The following ITPR2 variants were observed in gnomAD, a reference collection of about 807,000 sequenced individuals.
ITPR2 encodes the protein inositol 1,4,5-trisphosphate receptor type 2.
Under a neutral mutation model 317.1 loss-of-function variants are expected in ITPR2, and 207 were observed. That is an observed-to-expected ratio of 0.65 (90% CI 0.58 to 0.73). The LOEUF is 0.73. Among genes scored for constraint, ITPR2 ranks in the 30% least tolerant of loss-of-function variants. ITPR2 has a pLI of 0.00. For synonymous variants in ITPR2, 1,156 were observed against 1,149.1 expected, an observed-to-expected ratio of 1.01 and a Z score of -0.12; for missense variants, 2,613 against 3,284.0, an observed-to-expected ratio of 0.80 and a Z score of 4.99.
chr12:26,684,333 C>T (rs745495362), intron 11 of ITPR2, among the ~76,000 whole-genome samples: 1 of 152,164 alleles, frequency 6.6e-6, no homozygotes. Flanking sequence ...GCCTGCACCC[C>T]ACCTGTAAGA....
rs556711973 is a variant in ITPR2 at position 26,346,392 on chromosome 12, G to A, written c.7858-6064C>T. On this transcript the variant is annotated intron_variant, in intron 55 of 56. Coordinates refer to ENST00000381340, the MANE Select transcript of ITPR2 (RefSeq NM_002223.4). Reference sequence around the variant, plus strand: ...AATCCCAGCACTTTGGGAGGCCGAGGTGGGCAGATCACCTGAGGTCAGGAG... The same window carrying A: ...AATCCCAGCACTTTGGGAGGCCGAGATGGGCAGATCACCTGAGGTCAGGAG... Among the ~76,000 whole-genome samples, 15 of 152,322 alleles carry A rather than the reference G, an allele frequency of 9.8e-5. No individual in the cohort carries two copies. The East Asian group carries it at 2.3e-3, about 23-fold the overall frequency.
intron 48 of ITPR2, among the ~76,000 whole-genome samples, chr12:26,428,880 G>A (rs1284364104): frequency 1.3e-5 from 2 of 152,172 alleles, no homozygotes; most frequent in Non-Finnish European, 2.9e-5. Context: ...TAAATTAAGA[G>A]GCAACATTCT....
At chr12:26,640,384 A>G (rs1946958332) in intron 21 of ITPR2, among the ~76,000 whole-genome samples, 1 of 152,208 alleles carries the variant, frequency 6.6e-6, no homozygotes, top group Non-Finnish European at 1.5e-5. Context: ...TTAATTAAAA[A>G]AAAACATATA....
chr12:26,569,745 A>G (rs1376793939), intron 34 of ITPR2, among the ~76,000 whole-genome samples: 1 of 152,150 alleles, frequency 6.6e-6, no homozygotes, highest in Non-Finnish European at 1.5e-5. Flanking sequence ...CCTCACTCAT[A>G]AAAAAGAGAA....
intron 24 of ITPR2, chr12:26,623,549 T>C (rs1362208808): frequency 6.6e-6 from 1 of 152,198 alleles, no homozygotes; most frequent in Admixed American, 6.5e-5. Context: ...CATGTATATA[T>C]AGGAAAAAAC....
At chr12:26,544,530 T>C (rs533658705) in intron 37 of ITPR2, among the ~76,000 whole-genome samples, 10 of 151,564 alleles carry the variant, frequency 6.6e-5, no homozygotes, top group Admixed American at 4.6e-4. Flanking sequence ...TTATGCTTCA[T>C]TGCCCTATTT....
At chr12:26,537,423 C>T (rs1228207085) in intron 37 of ITPR2, among the ~76,000 whole-genome samples, 3 of 152,116 alleles carry the variant, frequency 2.0e-5, no homozygotes, top group Non-Finnish European at 4.4e-5. Context: ...CAAAGGTGCA[C>T]CCAAGTATGA....
intron 21 of ITPR2, among the ~76,000 whole-genome samples, chr12:26,635,382 T>G (rs1946844750): frequency 6.6e-6 from 1 of 152,250 alleles, no homozygotes; most frequent in African/African-American, 2.4e-5. Flanking sequence ...AATGCTTTTC[T>G]CTTATGAACA....
intron 55 of ITPR2, among the ~76,000 whole-genome samples, chr12:26,369,990 C>T (rs115098955): frequency 6.6e-6 from 1 of 152,270 alleles, no homozygotes; most frequent in African/African-American, 2.4e-5. Context: ...GTGATGTACC[C>T]AGATTCCACA....
Position 26,722,427 on chromosome 12 carries a change from C to T in ITPR2, c.495G>A (p.Pro165=), listed in dbSNP as rs34506525. Residue 165 remains proline (P), a synonymous_variant, in exon 5 of 57, where the codon CCG becomes CCA. Coordinates refer to ENST00000381340, the MANE Select transcript of ITPR2 (RefSeq NM_002223.4). Reference sequence around the variant, plus strand: ...CACCCTCGCTTCTCAGTTTCCAGAACGGATGAATATAAAACCAAGACCCTT... The same window carrying T: ...CACCCTCGCTTCTCAGTTTCCAGAATGGATGAATATAAAACCAAGACCCTT... ...GNEGSWFYIH[P]FWKLRSEGDN... The T allele has an allele frequency of 2.7e-4, 436 of 1,612,148 alleles. No homozygotes were observed. In the African/African-American group the frequency reaches 5.1e-3, roughly 19 times the overall value.
chr12:26,532,724 T>C (rs967427762), intron 37 of ITPR2, among the ~76,000 whole-genome samples: 2 of 152,194 alleles, frequency 1.3e-5, no homozygotes, highest in Non-Finnish European at 2.9e-5. Flanking sequence ...GTTTTCGATG[T>C]TGCCCAGGCT....
At chr12:26,721,348 G>A (rs1249296370) in intron 5 of ITPR2, 1 of 608,632 alleles carries the variant, frequency 1.6e-6, no homozygotes, top group Non-Finnish European at 3.1e-6. Flanking sequence ...GCATCCTGTG[G>A]AATTGAATTT....
intron 39 of ITPR2, among the ~76,000 whole-genome samples, chr12:26,489,698 C>T (rs369808805): frequency 9.2e-5 from 14 of 152,332 alleles, no homozygotes; most frequent in African/African-American, 3.4e-4. Context: ...ACCTCCTATA[C>T]CTTCTCCTTC....
intron 2 of ITPR2, among the ~76,000 whole-genome samples, chr12:26,786,348 C>T (rs1950244606): frequency 1.6e-5 from 2 of 128,166 alleles, no homozygotes; most frequent in Admixed American, 8.0e-5. Context: ...CTAGGAAAAC[C>T]AGAGACCTTT....
At chr12:26,596,849 T>C in intron 31 of ITPR2, 34 bp downstream of exon 31, 3 of 1,492,830 alleles carry the variant, frequency 2.0e-6, no homozygotes, top group Non-Finnish European at 2.7e-6. Context: ...TAATAATGAT[T>C]CTATTAGAGC....
At chr12:26,721,364 T>C in intron 5 of ITPR2, 1 of 599,728 alleles carries the variant, frequency 1.7e-6, no homozygotes, top group Non-Finnish European at 3.1e-6. Flanking sequence ...AATTTGTATT[T>C]CAAAATTCAC....
At chr12:26,691,142 A>G (rs997661036) in intron 10 of ITPR2, among the ~76,000 whole-genome samples, 5 of 152,192 alleles carry the variant, frequency 3.3e-5, no homozygotes, top group Non-Finnish European at 5.9e-5. Context: ...CACTCCTTGG[A>G]ATGTGCCCCT....
At chr12:26,621,543 G>C (rs1320820288) in intron 25 of ITPR2, among the ~76,000 whole-genome samples, 1 of 152,058 alleles carries the variant, frequency 6.6e-6, no homozygotes, top group Non-Finnish European at 1.5e-5. Flanking sequence ...TGTTTGAAAA[G>C]AGGCAGAAAC....
intron 51 of ITPR2, among the ~76,000 whole-genome samples, chr12:26,414,149 A>C (rs1312534523): frequency 1.3e-5 from 2 of 152,044 alleles, no homozygotes; most frequent in Non-Finnish European, 2.9e-5. Context: ...AAGGAAGAAG[A>C]ACAAGAAAGA....
Sources: gnomAD v4.1 joint callset for allele counts (sites outside exome capture counted in the v4.1 genomes callset) on GRCh38, gnomAD v4.1.1 for gene constraint, MANE v1.5 for transcripts, NCBI Gene and HGNC (gene_info 2026-07-23, HGNC 2026-07-21) for gene names.